The following RASGRF2 variants were observed in gnomAD, a reference collection of about 807,000 sequenced individuals.
The protein encoded by RASGRF2 is Ras protein specific guanine nucleotide releasing factor 2, also known as ras-specific guanine nucleotide-releasing factor 2.
RASGRF2 carries 76 observed loss-of-function variants against 151.0 expected under a neutral mutation model. That is an observed-to-expected ratio of 0.50 (90% CI 0.42 to 0.61). The LOEUF (loss-of-function observed/expected upper bound fraction) is 0.61. RASGRF2 is among the 20% of genes least tolerant of loss of function. RASGRF2 has a pLI of 0.00. For missense variants in RASGRF2, 1,148 were observed against 1,564.6 expected, an observed-to-expected ratio of 0.73 and a Z score of 4.49; for synonymous variants, 504 against 566.5, an observed-to-expected ratio of 0.89 and a Z score of 1.57.
chr5:80,999,332 T>A (rs1365682229), intron 1 of RASGRF2, among the ~76,000 whole-genome samples: 31 of 152,014 alleles, frequency 2.0e-4, no homozygotes, highest in Admixed American at 1.8e-3. Flanking sequence ...AACCATTTTT[T>A]ATTTTATTTT....
intron 22 of RASGRF2, 105 bp from the exon 23 acceptor site, chr5:81,212,261 C>G: frequency 2.7e-6 from 2 of 743,310 alleles, no homozygotes; most frequent in Non-Finnish European, 2.2e-6. Flanking sequence ...TCAAGCTACT[C>G]AACACCCTGC....
intron 3 of RASGRF2, chr5:81,070,014 A>G (rs1039897990): frequency 6.4e-6 from 1 of 157,398 alleles, no homozygotes; most frequent in Non-Finnish European, 1.4e-5. Flanking sequence ...AGTTCCCGTT[A>G]CAGTTGCCAT....
intron 23 of RASGRF2, 132 bp downstream of exon 23, chr5:81,212,695 A>G (rs975736662): frequency 1.2e-6 from 1 of 831,524 alleles, no homozygotes; most frequent in African/African-American, 1.7e-5. Flanking sequence ...AAAGGTGCCA[A>G]CATGGGTAAT....
At position 81,136,587 on chromosome 5, in the gene RASGRF2, C is replaced by G. The variant is rs146524980; in HGVS notation, c.2686+9424C>G. Reference sequence around the variant, plus strand: ...TTTGCTGCAGTTTGAATATGATATGCCTAGATGTGATTGTCTTGGTATTTA... The same window carrying G: ...TTTGCTGCAGTTTGAATATGATATGGCTAGATGTGATTGTCTTGGTATTTA... On this transcript the variant is annotated intron_variant, in intron 17 of 26. Coordinates refer to ENST00000265080, the MANE Select transcript of RASGRF2 (RefSeq NM_006909.3). Among the ~76,000 whole-genome samples, 3 of 152,222 alleles carry G rather than the reference C, an allele frequency of 2.0e-5. No homozygotes were observed. The East Asian group carries it at 5.8e-4, about 29-fold the overall frequency.
intron 26 of RASGRF2, among the ~76,000 whole-genome samples, chr5:81,221,938 T>TTGCACTCCAGCCTA (rs913212308): frequency 8.6e-5 from 13 of 151,600 alleles, no homozygotes; most frequent in Non-Finnish European, 1.6e-4. Context: ...GATTGTGCCA[T>TTGCACTCCAGCCTA]TGCACTCCAG....
intron 1 of RASGRF2, among the ~76,000 whole-genome samples, chr5:81,023,325 T>C (rs1325499109): frequency 1.3e-5 from 2 of 152,226 alleles, no homozygotes; most frequent in Non-Finnish European, 2.9e-5. Context: ...TCTTTCACTT[T>C]GTGATGACCC....
At chr5:81,031,208 T>A (rs1580227350) in intron 1 of RASGRF2, among the ~76,000 whole-genome samples, 1 of 152,218 alleles carries the variant, frequency 6.6e-6, no homozygotes, top group African/African-American at 2.4e-5. Context: ...ATGGGAGACT[T>A]TAACACCCCA....
intron 1 of RASGRF2, among the ~76,000 whole-genome samples, chr5:81,026,117 CCT>C (rs1387724292): frequency 6.8e-6 from 1 of 146,286 alleles, no homozygotes; most frequent in African/African-American, 2.5e-5. Flanking sequence ...TCCTCTCCTT[CCT>C]CTCTTTCCCT....
At chr5:81,070,311 T>G (rs1426126188) in intron 3 of RASGRF2, 181 bp from the exon 4 acceptor site, 2 of 557,522 alleles carry the variant, frequency 3.6e-6, no homozygotes, top group Non-Finnish European at 6.6e-6. Flanking sequence ...TCATTGGTGA[T>G]ACCATGCTTG....
intron 23 of RASGRF2, among the ~76,000 whole-genome samples, chr5:81,213,983 T>C (rs1755680425): frequency 6.6e-6 from 1 of 152,238 alleles, no homozygotes; most frequent in Non-Finnish European, 1.5e-5. Context: ...CATCTTGCAC[T>C]ACTACAGACA....
intron 12 of RASGRF2, among the ~76,000 whole-genome samples, chr5:81,097,076 C>T (rs895892589): frequency 1.3e-5 from 2 of 152,072 alleles, no homozygotes; most frequent in Non-Finnish European, 2.9e-5. Context: ...ATTCTCCTGC[C>T]TCAGCTTCCC....
intron 1 of RASGRF2, among the ~76,000 whole-genome samples, chr5:80,971,345 T>A (rs991886234): frequency 3.3e-5 from 5 of 152,238 alleles, no homozygotes; most frequent in Admixed American, 1.3e-4. Context: ...CTCTTTCATG[T>A]TGGATTTCTC....
intron 1 of RASGRF2, among the ~76,000 whole-genome samples, chr5:80,993,625 A>T (rs756769737): frequency 9.9e-5 from 15 of 152,220 alleles, no homozygotes; most frequent in Non-Finnish European, 1.5e-4. Context: ...TTGGGAACCA[A>T]TAAGGCCTAG....
chr5:81,093,933 A>G (rs1015384589), intron 10 of RASGRF2, among the ~76,000 whole-genome samples: 2 of 152,058 alleles, frequency 1.3e-5, no homozygotes, highest in Non-Finnish European at 2.9e-5. Flanking sequence ...AATATTATTC[A>G]ACACCATGAT....
intron 1 of RASGRF2, among the ~76,000 whole-genome samples, chr5:81,034,483 T>C (rs1184534533): frequency 6.6e-6 from 1 of 151,950 alleles, no homozygotes; most frequent in Non-Finnish European, 1.5e-5. Context: ...CATGCTGCTA[T>C]AAAGACACAT....
At chr5:81,054,067 C>T (rs1341040278) in intron 2 of RASGRF2, among the ~76,000 whole-genome samples, 1 of 152,190 alleles carries the variant, frequency 6.6e-6, no homozygotes, top group Admixed American at 6.5e-5. Context: ...TTCTCCCATT[C>T]TGTAGATTGC....
chr5:81,001,055 A>C (rs992690405), intron 1 of RASGRF2, among the ~76,000 whole-genome samples: 5 of 152,220 alleles, frequency 3.3e-5, no homozygotes, highest in African/African-American at 1.2e-4. Context: ...AGACCCTAGG[A>C]TGCATGCAGT....
At chr5:81,176,696 G>C (rs1250836362) in intron 17 of RASGRF2, among the ~76,000 whole-genome samples, 2 of 152,200 alleles carry the variant, frequency 1.3e-5, no homozygotes, top group East Asian at 1.9e-4. Flanking sequence ...CAGAGGTTTT[G>C]CATGTGCTTT....
chr5:81,104,235 T>C (rs1356975648), intron 12 of RASGRF2, among the ~76,000 whole-genome samples: 1 of 151,882 alleles, frequency 6.6e-6, no homozygotes, highest in Non-Finnish European at 1.5e-5. Context: ...TAGTGGCTGG[T>C]ATGTGGATGG....
Sources: allele counts gnomAD v4.1 joint callset (sites outside exome capture counted in the v4.1 genomes callset), GRCh38; gene constraint gnomAD v4.1.1; transcripts MANE v1.5; gene names NCBI Gene and HGNC (gene_info 2026-07-23, HGNC 2026-07-21).